Variants in GRB10 observed in about 807,000 individuals in gnomAD.
GRB10 encodes growth factor receptor-bound protein 10.
A neutral mutation model predicts 80.9 loss-of-function variants in GRB10; 20 were observed. The observed-to-expected ratio is 0.25, with a 90% confidence interval of 0.17 to 0.36. The LOEUF is 0.36. GRB10 is among the 10% of genes least tolerant of loss of function. The pLI is 1.00. For synonymous variants in GRB10, 291 were observed against 291.5 expected (o/e 1.00, Z 0.02); for missense variants, 548 against 747.7 (o/e 0.73, Z 3.12).
At chr7:50,712,284 C>A (rs529366795) in intron 4 of GRB10, among the ~76,000 whole-genome samples, 3 of 152,264 alleles carry the variant, frequency 2.0e-5, no homozygotes, top group Admixed American at 6.5e-5. Flanking sequence ...TAGGTCTATG[C>A]AAGAGGAAAG....
At chr7:50,754,314 T>C (rs1430709984) in intron 3 of GRB10, among the ~76,000 whole-genome samples, 1 of 152,198 alleles carries the variant, frequency 6.6e-6, no homozygotes, top group Non-Finnish European at 1.5e-5. Context: ...CATTCTGAGA[T>C]AGGGAGGTCT....
chr7:50,617,361 A>T (rs1233458271), intron 10 of GRB10, among the ~76,000 whole-genome samples: 1 of 152,174 alleles, frequency 6.6e-6, no homozygotes, highest in Non-Finnish European at 1.5e-5. Flanking sequence ...TGTCACCTGG[A>T]TCTTGTTGGT....
chr7:50,695,407 G>T (rs2063315510), intron 5 of GRB10, among the ~76,000 whole-genome samples: 1 of 152,194 alleles, frequency 6.6e-6, no homozygotes. Context: ...CTTCCAGCAA[G>T]AGGACCTATT....
intron 1 of GRB10, chr7:50,792,710 T>C: frequency 2.8e-6 from 1 of 353,748 alleles, no homozygotes. Flanking sequence ...CTGGCACCAC[T>C]GTCCCGGACG....
At chr7:50,707,201 T>C (rs2065154201) in intron 4 of GRB10, among the ~76,000 whole-genome samples, 1 of 152,234 alleles carries the variant, frequency 6.6e-6, no homozygotes, top group Non-Finnish European at 1.5e-5. Flanking sequence ...TGACTTGATG[T>C]ATTACTCTTT....
chr7:50,774,159 G>A (rs1295090576), intron 2 of GRB10, among the ~76,000 whole-genome samples: 1 of 152,208 alleles, frequency 6.6e-6, no homozygotes, highest in Admixed American at 6.5e-5. Context: ...GGAAATCTAT[G>A]CAGACAGAAA....
chr7:50,776,050 C>T (rs1405674192), intron 2 of GRB10, among the ~76,000 whole-genome samples: 1 of 152,184 alleles, frequency 6.6e-6, no homozygotes, highest in Non-Finnish European at 1.5e-5. Flanking sequence ...CTCTGAAATG[C>T]CTTCAGGATC....
chr7:50,740,262 G>T (rs990732872), intron 3 of GRB10, among the ~76,000 whole-genome samples: 2 of 152,182 alleles, frequency 1.3e-5, no homozygotes, highest in South Asian at 4.1e-4. Flanking sequence ...CTAGCTCATC[G>T]CCCTGGTGTA....
At chr7:50,603,194 C>T (rs899606405) in intron 17 of GRB10, among the ~76,000 whole-genome samples, 5 of 152,204 alleles carry the variant, frequency 3.3e-5, no homozygotes, top group Non-Finnish European at 7.3e-5. Context: ...GGAGGATGAT[C>T]AGCCTGTGTC....
At position 50,732,356 on chromosome 7, in the gene GRB10, T is replaced by G. The variant is rs1160249786; in HGVS notation, c.-34A>C. On this transcript the variant is annotated 5_prime_UTR_variant, in exon 4 of 19. Transcript: ENST00000401949. ...TCTGCCTTCTTCAAATTACATTTAC[T>G]GCGCTGCAGCACCTGGAATAAAGAC... The G allele has an allele frequency of 9.4e-6, 15 of 1,595,492 alleles. No homozygotes were observed. Among genetic ancestry groups the G allele is most frequent in the Non-Finnish European group, 1.3e-5 (15 of 1,163,424 alleles).
At chr7:50,726,595 G>C (rs1448311829) in intron 4 of GRB10, among the ~76,000 whole-genome samples, 2 of 152,032 alleles carry the variant, frequency 1.3e-5, no homozygotes, top group Non-Finnish European at 1.5e-5. Flanking sequence ...TTACTTATCT[G>C]TCATATTTCA....
chr7:50,675,926 T>C (rs1212164095), intron 5 of GRB10, among the ~76,000 whole-genome samples: 2 of 152,216 alleles, frequency 1.3e-5, no homozygotes, highest in African/African-American at 4.8e-5. Context: ...TAAAACATTC[T>C]TGCATCCATA....
At chr7:50,598,678 A>G (rs76371396) in intron 17 of GRB10, among the ~76,000 whole-genome samples, 12,553 of 152,300 alleles carry the variant, frequency 0.082, 786 homozygotes, top group South Asian at 0.14. Context: ...ACAGCCAGTC[A>G]TGGAGGAGTT....
intron 8 of GRB10, among the ~76,000 whole-genome samples, chr7:50,625,384 T>G (rs1019278691): frequency 6.6e-6 from 1 of 151,530 alleles, no homozygotes; most frequent in Admixed American, 6.6e-5. Flanking sequence ...GTTTTTAAAA[T>G]TTTATATATA....
intron 6 of GRB10, among the ~76,000 whole-genome samples, chr7:50,672,307 G>A (rs1187979279): frequency 6.6e-6 from 1 of 152,196 alleles, no homozygotes; most frequent in African/African-American, 2.4e-5. Context: ...CCGCCCCGCT[G>A]TGCCACGGTT....
At chr7:50,692,912 C>T (rs935599719) in intron 5 of GRB10, among the ~76,000 whole-genome samples, 1 of 152,214 alleles carries the variant, frequency 6.6e-6, no homozygotes, top group Non-Finnish European at 1.5e-5. Flanking sequence ...TAACACCTGT[C>T]TGTGACTTCT....
rs770996715 is a variant in GRB10, at chr7:50,605,317, T to G, written c.1362A>C (p.Ala454=). Reference sequence around the variant, plus strand: ...TCCAGGCGTGGCCCTCCTCCAGGGCTGCGCTCTGGGCCTCTGCCGGATTCT... The same window carrying G: ...TCCAGGCGTGGCCCTCCTCCAGGGCGGCGCTCTGGGCCTCTGCCGGATTCT... ...VIENPAEAQS[A]ALEEGHAWRK... is the part of the protein sequence containing the mutation. Residue 454 remains alanine, a synonymous_variant, in exon 15 of 19, where the codon GCA becomes GCC. Coordinates refer to ENST00000401949, the MANE Select transcript of GRB10 (RefSeq NM_001350814.2). 2 of 1,613,816 alleles carry G rather than the reference T, an allele frequency of 1.2e-6. No homozygotes were observed. The highest frequency in any genetic ancestry group is 2.7e-5 in the African/African-American group (2 of 74,958).
In GRB10 at chr7:50,590,937, G is replaced by C. The variant is rs1213618584; in HGVS notation, c.*2015C>G. The C allele has an allele frequency of 1.3e-5, 2 of 152,204 alleles. No individual in the cohort carries two copies. The highest frequency in any genetic ancestry group is 4.8e-5 in the African/African-American group (2 of 41,442). 9.4% of individuals were successfully genotyped at this position (152,204 alleles called of 1,614,324 possible). A position where few individuals can be genotyped will look rare whatever the true frequency, so the allele number is the denominator to read the frequency against. On this transcript the variant is annotated 3_prime_UTR_variant, in exon 19 of 19. Transcript: ENST00000401949. ...AAATACAAGCTGTCTATTGGAGAGA[G>C]GCGTGTGAGAGAGAGATTATACACT...
At chr7:50,744,984 C>T (rs867317606) in intron 3 of GRB10, among the ~76,000 whole-genome samples, 1 of 152,190 alleles carries the variant, frequency 6.6e-6, no homozygotes, top group Middle Eastern at 3.4e-3. Context: ...CAAACTTTAA[C>T]TTTTTTATGA....
Sources: gnomAD v4.1 joint callset for allele counts (sites outside exome capture counted in the v4.1 genomes callset) on GRCh38, gnomAD v4.1.1 for gene constraint, MANE v1.5 for transcripts, NCBI Gene and HGNC (gene_info 2026-07-23, HGNC 2026-07-21) for gene names.